The following FBXL4 variants were observed in gnomAD, a reference collection of about 807,000 sequenced individuals.
FBXL4 encodes the protein F-box and leucine rich repeat protein 4, also known as F-box/LRR-repeat protein 4.
A neutral mutation model predicts 58.9 loss-of-function variants in FBXL4; 40 were observed. That is an observed-to-expected ratio of 0.68 (90% CI 0.53 to 0.88). The LOEUF (loss-of-function observed/expected upper bound fraction) is 0.88. Ranked by LOEUF, FBXL4 falls within the 40% of genes least tolerant of loss-of-function variation. FBXL4 has a pLI of 0.00. For missense variants in FBXL4, 676 were observed against 734.4 expected (o/e 0.92, Z 0.92); for synonymous variants, 263 against 265.5 (o/e 0.99, Z 0.09).
At chr6:98,914,041 T>C (rs1772220386) in intron 5 of FBXL4, among the ~76,000 whole-genome samples, 1 of 152,178 alleles carries the variant, frequency 6.6e-6, no homozygotes, top group African/African-American at 2.4e-5. Context: ...CACACATCTC[T>C]ATGCAAATAA....
intron 8 of FBXL4, 115 bp downstream of exon 8, chr6:98,880,438 T>G (rs1187253127): frequency 1.3e-6 from 1 of 791,924 alleles, no homozygotes; most frequent in Non-Finnish European, 2.1e-6. Flanking sequence ...AAGAGAACCA[T>G]AAATCTGAAA....
intron 6 of FBXL4, among the ~76,000 whole-genome samples, chr6:98,902,986 A>G (rs1771668665): frequency 6.6e-6 from 1 of 152,150 alleles, no homozygotes; most frequent in Non-Finnish European, 1.5e-5. Context: ...ACAATTCTTA[A>G]AAAGTTATTT....
chr6:98,899,488 A>G lies in FBXL4; in HGVS notation c.1104-7T>C. The G allele has an allele frequency of 6.2e-7, 1 of 1,610,630 alleles. No homozygotes were observed. The highest frequency in any genetic ancestry group is 1.1e-5 in the South Asian group (1 of 90,624). On this transcript the variant is annotated splice_region_variant and splice_polypyrimidine_tract_variant and intron_variant, in intron 6 of 9. Transcript: ENST00000369244. Reference sequence around the variant, plus strand: ...TCCACAAACCTTCAGAAACCTGCCAAAACAACATTCTATGTGAATTTTATA... The same window carrying G: ...TCCACAAACCTTCAGAAACCTGCCAGAACAACATTCTATGTGAATTTTATA...
At chr6:98,904,254 G>A (rs751679204) in intron 6 of FBXL4, among the ~76,000 whole-genome samples, 2 of 152,142 alleles carry the variant, frequency 1.3e-5, no homozygotes, top group African/African-American at 4.8e-5. Flanking sequence ...GGACTAAACT[G>A]TGTTTCACTG....
chr6:98,898,590 G>A (rs1219165950), intron 7 of FBXL4: 1 of 948,404 alleles, frequency 1.1e-6, no homozygotes, highest in Non-Finnish European at 1.3e-6. Context: ...GGGCAACAGA[G>A]TGAGACTCCG....
At chr6:98,946,562 A>T (rs1439734196) in intron 1 of FBXL4, among the ~76,000 whole-genome samples, 1 of 152,240 alleles carries the variant, frequency 6.6e-6, no homozygotes, top group Non-Finnish European at 1.5e-5. Context: ...GTACCATTGT[A>T]CAGAGTACTA....
intron 5 of FBXL4, among the ~76,000 whole-genome samples, chr6:98,912,020 G>A (rs1051154896): frequency 6.6e-6 from 1 of 152,188 alleles, no homozygotes; most frequent in East Asian, 1.9e-4. Flanking sequence ...CAAGAACTAC[G>A]TGAAGAATGC....
At chr6:98,937,107 T>C (rs1046859793) in intron 1 of FBXL4, among the ~76,000 whole-genome samples, 1 of 152,084 alleles carries the variant, frequency 6.6e-6, no homozygotes, top group Admixed American at 6.5e-5. Context: ...GTCAGGAGTT[T>C]GAGACCAGCC....
At chr6:98,887,791 T>TG (rs1771092130) in intron 7 of FBXL4, among the ~76,000 whole-genome samples, 1 of 152,128 alleles carries the variant, frequency 6.6e-6, no homozygotes, top group Non-Finnish European at 1.5e-5. Flanking sequence ...AGAGATACTG[T>TG]GAGGAATTAA....
At chr6:98,897,374 C>G in intron 7 of FBXL4, 1 of 981,490 alleles carries the variant, frequency 1.0e-6, no homozygotes, top group African/African-American at 1.7e-5. Flanking sequence ...ATCTGGCATT[C>G]AGGGACAATA....
intron 2 of FBXL4, among the ~76,000 whole-genome samples, chr6:98,931,975 G>C (rs1773030583): frequency 6.6e-6 from 1 of 152,198 alleles, no homozygotes; most frequent in Non-Finnish European, 1.5e-5. Context: ...AATGAACCAA[G>C]TGTAAAAGAT....
chr6:98,894,885 C>A (rs2128387022), intron 7 of FBXL4, among the ~76,000 whole-genome samples: 1 of 152,190 alleles, frequency 6.6e-6, no homozygotes, highest in South Asian at 2.1e-4. Context: ...CCAAGTTGAA[C>A]TATATTTTAC....
chr6:98,928,398 G>A (rs573570790), intron 2 of FBXL4, among the ~76,000 whole-genome samples: 6 of 151,442 alleles, frequency 4.0e-5, no homozygotes, highest in Admixed American at 3.3e-4. Flanking sequence ...GCGCAATCTC[G>A]GCTCACTGTA....
intron 5 of FBXL4, among the ~76,000 whole-genome samples, chr6:98,917,112 G>A (rs1229155384): frequency 6.6e-6 from 1 of 151,974 alleles, no homozygotes; most frequent in African/African-American, 2.4e-5. Flanking sequence ...ACTGGTTTTT[G>A]TATTTGGTTA....
At position 98,917,645 on chromosome 6, in the gene FBXL4, T is replaced by C; in HGVS notation, c.587A>G (p.Lys196Arg). Residue 196 changes from lysine (K) to arginine (R), a missense_variant, in exon 5 of 10, where the codon AAG becomes AGG. Coordinates refer to ENST00000369244, the MANE Select transcript of FBXL4 (RefSeq NM_001278716.2). ...SQARQFKPCI[K>R]QINFPTNLIR... ...AAGATTTGTGGGGAAATTTATCTGC[T>C]TAATACAAGGTTTAAACTGGCGAGC... 6.2e-7 allele frequency: 1 copy of C among 1,613,992 alleles called. No homozygotes were observed. Among genetic ancestry groups the C allele is most frequent in the Non-Finnish European group, 8.5e-7 (1 of 1,179,882 alleles).
chr6:98,947,036 C>G (rs367794272), intron 1 of FBXL4, among the ~76,000 whole-genome samples: 1 of 152,258 alleles, frequency 6.6e-6, no homozygotes, highest in East Asian at 1.9e-4. Flanking sequence ...GAGATCCCTG[C>G]ACCTGGTGGT....
intron 6 of FBXL4, 79 bp downstream of exon 6, chr6:98,905,345 CTT>C: frequency 6.7e-7 from 1 of 1,491,810 alleles, no homozygotes; most frequent in Non-Finnish European, 9.1e-7. Context: ...TAATTTCAAA[CTT>C]TTATTATGAA....
chr6:98,898,806 A>G, intron 7 of FBXL4: 1 of 985,356 alleles, frequency 1.0e-6, no homozygotes, highest in Non-Finnish European at 1.2e-6. Flanking sequence ...TGAAAAAGCA[A>G]GTAGACTAAT....
chr6:98,914,393 T>C (rs937150121), intron 5 of FBXL4, among the ~76,000 whole-genome samples: 1 of 152,178 alleles, frequency 6.6e-6, no homozygotes, highest in Non-Finnish European at 1.5e-5. Context: ...ATATCCTTGA[T>C]GAACATTGAT....
Sources: allele counts gnomAD v4.1 joint callset (sites outside exome capture counted in the v4.1 genomes callset), GRCh38; gene constraint gnomAD v4.1.1; transcripts MANE v1.5; gene names NCBI Gene and HGNC (gene_info 2026-07-23, HGNC 2026-07-21).